The following VAC14 variants were observed in gnomAD, a reference collection of about 807,000 sequenced individuals.
The protein encoded by VAC14 is VAC14 component of PIKFYVE complex, also known as protein VAC14 homolog.
In VAC14, 47 loss-of-function variants were observed where a neutral mutation model predicts 85.3. The ratio of observed to expected loss-of-function variants is 0.55; its 90% CI spans 0.44 to 0.70. The LOEUF is 0.70. Among genes scored for constraint, VAC14 ranks in the 30% least tolerant of loss-of-function variants. The pLI, the probability that VAC14 is intolerant of heterozygous loss-of-function variation, is 0.00. For synonymous variants in VAC14, 447 were observed against 430.5 expected (o/e 1.04, Z -0.47); for missense variants, 861 against 1,004.3 (o/e 0.86, Z 1.93).
intron 14 of VAC14, among the ~76,000 whole-genome samples, chr16:70,717,969 A>C (rs1189546343): frequency 6.6e-6 from 1 of 152,176 alleles, no homozygotes; most frequent in Non-Finnish European, 1.5e-5. Context: ...ATTCATCTGA[A>C]TGACTCTATA....
At chr16:70,711,025 T>A (rs2054021927) in intron 14 of VAC14, among the ~76,000 whole-genome samples, 1 of 152,230 alleles carries the variant, frequency 6.6e-6, no homozygotes. Flanking sequence ...TGGCTTCAGC[T>A]CCACGTCCCT....
At chr16:70,768,815 G>A (rs1019287214) in intron 10 of VAC14, 1 of 453,660 alleles carries the variant, frequency 2.2e-6, no homozygotes, top group Non-Finnish European at 4.4e-6. Flanking sequence ...TTTTTGGTGT[G>A]TGTGTGACAG....
chr16:70,800,668 A>T (rs1029031359), intron 1 of VAC14, 129 bp downstream of exon 1: 3 of 721,848 alleles, frequency 4.2e-6, no homozygotes, highest in Non-Finnish European at 4.5e-6. Context: ...ATCTGCTCTT[A>T]AACACTGCGC....
chr16:70,687,815 T>G lies in VAC14; in HGVS notation c.*113A>C. 8.4e-7 allele frequency: 1 copy of G among 1,195,580 alleles called. No individual in the cohort carries two copies. Among genetic ancestry groups the G allele is most frequent in the Non-Finnish European group, 1.1e-6 (1 of 929,662 alleles). The allele number at this position is 1,195,580 out of a possible 1,614,324, so 74.1% of individuals were successfully genotyped here. A position where few individuals can be genotyped will look rare whatever the true frequency, so the allele number is the denominator to read the frequency against. ...CTCCGGCCCCAACACTGCCCTGGGT[T>G]GGCAGGCCCAGCCCTGGTCCTGACA... On this transcript the variant is annotated 3_prime_UTR_variant, in exon 19 of 19. Coordinates refer to ENST00000261776, the MANE Select transcript of VAC14 (RefSeq NM_018052.5).
chr16:70,726,993 A>C (rs2054448188), intron 14 of VAC14, among the ~76,000 whole-genome samples: 1 of 152,166 alleles, frequency 6.6e-6, no homozygotes, highest in African/African-American at 2.4e-5. Flanking sequence ...GGGGAAGAGG[A>C]AACGCTCCCA....
chr16:70,687,913 T>G lies in VAC14; in HGVS notation c.*15A>C. ...CATGGGACCACTCGGTGGGCCCTCC[T>G]CCGTGCCAGGCCTGTCAGAGGACAA... is the stretch of plus-strand genomic sequence containing the variant. On this transcript the variant is annotated 3_prime_UTR_variant, in exon 19 of 19. Coordinates refer to ENST00000261776, the MANE Select transcript of VAC14 (RefSeq NM_018052.5). 2 of 1,509,440 alleles carry G rather than the reference T, an allele frequency of 1.3e-6. No individual in the cohort carries two copies. The highest frequency in any genetic ancestry group is 1.8e-6 in the Non-Finnish European group (2 of 1,121,914). The allele number at this position is 1,509,440 out of a possible 1,614,324, so 93.5% of individuals were successfully genotyped here. A position where few individuals can be genotyped will look rare whatever the true frequency, so the allele number is the denominator to read the frequency against.
intron 14 of VAC14, among the ~76,000 whole-genome samples, chr16:70,700,623 G>C (rs934907947): frequency 2.0e-5 from 3 of 152,230 alleles, no homozygotes; most frequent in African/African-American, 4.8e-5. Context: ...TGGCTGCAGA[G>C]GGAAAGCCCA....
chr16:70,795,433 G>A (rs1417924080), intron 1 of VAC14, among the ~76,000 whole-genome samples: 1 of 150,228 alleles, frequency 6.7e-6, no homozygotes, highest in Non-Finnish European at 1.5e-5. Flanking sequence ...GGCAGAGTTT[G>A]CAGTGAGCCA....
chr16:70,726,871 C>G (rs2054444101), intron 14 of VAC14, among the ~76,000 whole-genome samples: 1 of 152,202 alleles, frequency 6.6e-6, no homozygotes, highest in African/African-American at 2.4e-5. Context: ...GAAAAGGAGG[C>G]TGTGTGGACA....
intron 18 of VAC14, chr16:70,690,869 C>T (rs2053583493): frequency 4.1e-6 from 4 of 985,518 alleles, no homozygotes; most frequent in Non-Finnish European, 4.8e-6. Context: ...CAAAGTAAGG[C>T]TGGGGGTCCA....
rs771048259 is a variant in VAC14, at chr16:70,691,045, A to G, written c.2186+1776T>C. On this transcript the variant is annotated intron_variant, in intron 18 of 18. Transcript: ENST00000261776. ...CCTACTCTAGGCCTGCAAAGCATCC[A>G]CTGACCCTCAGAATCTTCTACCCAG... The G allele has an allele frequency of 3.8e-5, 37 of 985,330 alleles. No homozygotes were observed. The African/African-American group carries it at 6.1e-4, about 16-fold the overall frequency. The allele number at this position is 985,330 out of a possible 1,614,324, so 61.0% of individuals were successfully genotyped here. A position where few individuals can be genotyped will look rare whatever the true frequency, so the allele number is the denominator to read the frequency against.
At chr16:70,723,002 G>T (rs2054332924) in intron 14 of VAC14, among the ~76,000 whole-genome samples, 1 of 152,086 alleles carries the variant, frequency 6.6e-6, no homozygotes, top group African/African-American at 2.4e-5. Flanking sequence ...GATCACCTGA[G>T]GTCAGGAGTT....
At chr16:70,783,314 G>C in intron 6 of VAC14, 131 bp downstream of exon 6, 1 of 1,074,338 alleles carries the variant, frequency 9.3e-7, no homozygotes, top group Non-Finnish European at 1.4e-6. Context: ...TCCTCAAAGC[G>C]GGAAGCACAA....
chr16:70,781,789 C>A, intron 8 of VAC14, 80 bp downstream of exon 8: 3 of 1,550,850 alleles, frequency 1.9e-6, no homozygotes, highest in South Asian at 2.4e-5. Context: ...AGAGAGCCCC[C>A]AGCCCCCAGT....
intron 12 of VAC14, among the ~76,000 whole-genome samples, chr16:70,758,352 C>G (rs528821509): frequency 8.0e-4 from 122 of 152,278 alleles, no homozygotes; most frequent in Non-Finnish European, 1.5e-3. Context: ...AGGGTAAACT[C>G]CTTGGCCAGG....
rs530602679 is a variant in VAC14, at chr16:70,717,563, G to C, written c.1661+13932C>G. Among the ~76,000 whole-genome samples, 9 of 152,344 alleles carry C rather than the reference G, an allele frequency of 5.9e-5. No homozygotes were observed. In the East Asian group the frequency reaches 1.7e-3, roughly 29 times the overall value. On this transcript the variant is annotated intron_variant, in intron 14 of 18. Transcript: ENST00000261776. ...TTGGTTTTCTGCCATGTGCCGTCCA[G>C]AGTCCTGACTGCACAGAACTGGACA... is the stretch of plus-strand genomic sequence containing the variant.
intron 12 of VAC14, chr16:70,755,231 G>T (rs530739139): frequency 5.8e-6 from 2 of 344,708 alleles, no homozygotes; most frequent in African/African-American, 2.2e-5. Context: ...AGCCCTGGAG[G>T]GGGGCTAGGG....
chr16:70,708,343 G>A (rs1413811406), intron 14 of VAC14, among the ~76,000 whole-genome samples: 1 of 152,204 alleles, frequency 6.6e-6, no homozygotes, highest in East Asian at 1.9e-4. Flanking sequence ...ATGAATGCTT[G>A]TAGGACAGAA....
At chr16:70,712,561 T>G (rs913197400) in intron 14 of VAC14, among the ~76,000 whole-genome samples, 2 of 152,082 alleles carry the variant, frequency 1.3e-5, no homozygotes, top group African/African-American at 4.8e-5. Context: ...ACAAAGACAG[T>G]GAAGGCGGTG....
Sources: gnomAD v4.1 joint callset for allele counts (sites outside exome capture counted in the v4.1 genomes callset) on GRCh38, gnomAD v4.1.1 for gene constraint, MANE v1.5 for transcripts, NCBI Gene and HGNC (gene_info 2026-07-23, HGNC 2026-07-21) for gene names.